NRXN1: variants seen among roughly 807,000 people sequenced by gnomAD.
NRXN1 encodes neurexin 1, also known as neurexin-1.
A neutral mutation model predicts 150.9 loss-of-function variants in NRXN1; 39 were observed. The ratio of observed to expected loss-of-function variants is 0.26; its 90% CI spans 0.20 to 0.34. NRXN1 has a LOEUF of 0.34. Among genes scored for constraint, NRXN1 ranks in the 10% least tolerant of loss-of-function variants. NRXN1 has a pLI of 1.00. For synonymous variants in NRXN1, 924 were observed against 757.0 expected (o/e 1.22, Z -3.62); for missense variants, 1,815 against 1,949.9 (o/e 0.93, Z 1.30).
intron 18 of NRXN1, among the ~76,000 whole-genome samples, chr2:50,137,376 C>T (rs937189854): frequency 7.2e-5 from 11 of 152,022 alleles, no homozygotes; most frequent in Non-Finnish European, 1.3e-4. Context: ...TTGGAGATCA[C>T]GGTCAGTAAT....
chr2:50,773,942 G>A (rs900020809), intron 5 of NRXN1, among the ~76,000 whole-genome samples: 21 of 152,030 alleles, frequency 1.4e-4, no homozygotes, highest in Admixed American at 1.3e-3. Flanking sequence ...CAGGCCCAGC[G>A]CCACTGGTCA....
chr2:50,001,047 AAG>A (rs1293385857), intron 21 of NRXN1, among the ~76,000 whole-genome samples: 17 of 152,174 alleles, frequency 1.1e-4, no homozygotes, highest in Admixed American at 1.1e-3. Flanking sequence ...CTCAAAAGGA[AAG>A]AGAGAATAGG....
intron 17 of NRXN1, among the ~76,000 whole-genome samples, chr2:50,412,322 AT>A (rs1444893671): frequency 1.3e-4 from 13 of 103,348 alleles, no homozygotes; most frequent in South Asian, 8.2e-4. Context: ...TACTAAAAAA[AT>A]AAATAAAAAA....
At chr2:50,132,074 T>C (rs1705590949) in intron 18 of NRXN1, among the ~76,000 whole-genome samples, 1 of 152,160 alleles carries the variant, frequency 6.6e-6, no homozygotes, top group South Asian at 2.1e-4. Context: ...CCATGTGCTG[T>C]TTACAAAGGA....
intron 5 of NRXN1, among the ~76,000 whole-genome samples, chr2:50,897,613 A>G (rs1237765605): frequency 6.6e-6 from 1 of 152,236 alleles, no homozygotes; most frequent in East Asian, 1.9e-4. Flanking sequence ...GCACAAACAC[A>G]TTTGGATGAC....
chr2:50,832,654 C>T (rs113084378), intron 5 of NRXN1, among the ~76,000 whole-genome samples: 4,056 of 151,388 alleles, frequency 0.027, 200 homozygotes, highest in African/African-American at 0.092. Flanking sequence ...AGTGAGATCC[C>T]GTCTCAAAAA....
At chr2:50,887,376 T>C (rs62140642) in intron 5 of NRXN1, among the ~76,000 whole-genome samples, 12,548 of 151,472 alleles carry the variant, frequency 0.083, 639 homozygotes, top group South Asian at 0.11. Context: ...TTAATACTGT[T>C]TCATTGAGAA....
At chr2:50,436,825 C>A (rs1160613961) in intron 17 of NRXN1, among the ~76,000 whole-genome samples, 1 of 152,112 alleles carries the variant, frequency 6.6e-6, no homozygotes, top group African/African-American at 2.4e-5. Flanking sequence ...CTGAGGGAGT[C>A]TTGCAATACC....
At chr2:50,484,245 C>T (rs978338631) in intron 15 of NRXN1, among the ~76,000 whole-genome samples, 1 of 152,112 alleles carries the variant, frequency 6.6e-6, no homozygotes, top group African/African-American at 2.4e-5. Flanking sequence ...TCTTGTTTTT[C>T]CTTAAGTATC....
intron 17 of NRXN1, among the ~76,000 whole-genome samples, chr2:50,324,470 G>A (rs1425615787): frequency 2.0e-5 from 3 of 152,208 alleles, no homozygotes; most frequent in African/African-American, 7.2e-5. Context: ...CCCTGGGTTG[G>A]GGGAATCCTA....
chr2:50,439,282 C>A (rs991846629), intron 17 of NRXN1, among the ~76,000 whole-genome samples: 5 of 152,142 alleles, frequency 3.3e-5, no homozygotes, highest in African/African-American at 1.2e-4. Context: ...TTGTCACATA[C>A]AGTAAGCATA....
chr2:50,541,134 A>C (rs1206968797), intron 9 of NRXN1, among the ~76,000 whole-genome samples: 1 of 152,218 alleles, frequency 6.6e-6, no homozygotes, highest in Non-Finnish European at 1.5e-5. Context: ...AGGAACAATG[A>C]CAAATTATTC....
chr2:50,741,034 CTG>C (rs1183194573), intron 5 of NRXN1, among the ~76,000 whole-genome samples: 6 of 152,168 alleles, frequency 3.9e-5, no homozygotes, highest in Non-Finnish European at 5.9e-5. Context: ...CTGTCAAAAT[CTG>C]TGACGGCTAT....
chr2:50,725,504 A>T (rs1697228384), intron 5 of NRXN1, among the ~76,000 whole-genome samples: 1 of 152,148 alleles, frequency 6.6e-6, no homozygotes, highest in African/African-American at 2.4e-5. Flanking sequence ...ACAGCAAGTA[A>T]ATTGCAGAGA....
intron 18 of NRXN1, chr2:50,105,409 C>G (rs1187978777): frequency 6.6e-6 from 1 of 151,992 alleles, no homozygotes; most frequent in Non-Finnish European, 1.5e-5. Flanking sequence ...TTTTCAGAGT[C>G]TGTAAGAGAG....
intron 17 of NRXN1, among the ~76,000 whole-genome samples, chr2:50,319,045 C>G (rs932058233): frequency 6.6e-6 from 1 of 151,868 alleles, no homozygotes; most frequent in Non-Finnish European, 1.5e-5. Context: ...TTCTTTTAAA[C>G]TAAATGTTTA....
intron 13 of NRXN1, 122 bp downstream of exon 13, chr2:50,506,373 T>C (rs2092221317): frequency 4.9e-6 from 4 of 812,252 alleles, no homozygotes; most frequent in Middle Eastern, 4.9e-4. Flanking sequence ...AAAAATAGAA[T>C]AAAAATGGAT....
intron 5 of NRXN1, among the ~76,000 whole-genome samples, chr2:50,734,556 T>C (rs1698484438): frequency 6.6e-6 from 1 of 152,084 alleles, no homozygotes; most frequent in Non-Finnish European, 1.5e-5. Flanking sequence ...TCAAATATCA[T>C]AAAAAGGCAG....
chr2:50,855,800 A>G (rs564102423), intron 5 of NRXN1, among the ~76,000 whole-genome samples: 27 of 152,192 alleles, frequency 1.8e-4, no homozygotes, highest in African/African-American at 6.3e-4. Context: ...CCTGCATGCT[A>G]TACTTAAAGT....
Sources: allele counts gnomAD v4.1 joint callset (sites outside exome capture counted in the v4.1 genomes callset), GRCh38; gene constraint gnomAD v4.1.1; transcripts MANE v1.5; gene names NCBI Gene and HGNC (gene_info 2026-07-23, HGNC 2026-07-21).